The following STK31 variants were observed in gnomAD, a reference collection of about 807,000 sequenced individuals.
STK31 encodes the protein serine/threonine-protein kinase 31.
In STK31, 89 loss-of-function variants were observed where a neutral mutation model predicts 129.7. The ratio of observed to expected loss-of-function variants is 0.69; its 90% CI spans 0.58 to 0.82. The LOEUF (loss-of-function observed/expected upper bound fraction) is 0.82. Ranked by LOEUF, STK31 falls within the 40% of genes least tolerant of loss-of-function variation. The pLI, the probability that STK31 is intolerant of heterozygous loss-of-function variation, is 0.00. For missense variants in STK31, 1,187 were observed against 1,176.4 expected (o/e 1.01, Z -0.13); for synonymous variants, 448 against 395.3 (o/e 1.13, Z -1.58).
chr7:23,721,758 T>A, intron 4 of STK31: 1 of 708,070 alleles, frequency 1.4e-6, no homozygotes, highest in Non-Finnish European at 2.6e-6. Flanking sequence ...ATATTTTTCC[T>A]TTCCCAAGTG....
chr7:23,790,115 T>C (rs897095680), intron 21 of STK31, among the ~76,000 whole-genome samples: 1 of 152,182 alleles, frequency 6.6e-6, no homozygotes. Flanking sequence ...CCTTGGACCA[T>C]ACTTTGAGAA....
chr7:23,782,807 A>C (rs763163627), intron 16 of STK31, among the ~76,000 whole-genome samples: 9 of 152,214 alleles, frequency 5.9e-5, no homozygotes, highest in Non-Finnish European at 1.3e-4. Context: ...TGTGTTCTTA[A>C]TATTTTGAGA....
intron 10 of STK31, among the ~76,000 whole-genome samples, chr7:23,762,360 A>G (rs1043378251): frequency 2.6e-5 from 4 of 152,016 alleles, no homozygotes; most frequent in African/African-American, 9.7e-5. Context: ...AAGAAAATGC[A>G]TAGAGTTCTT....
At chr7:23,746,682 T>C (rs1375372448) in intron 8 of STK31, among the ~76,000 whole-genome samples, 1 of 152,066 alleles carries the variant, frequency 6.6e-6, no homozygotes, top group Non-Finnish European at 1.5e-5. Context: ...GAAGAAGAAA[T>C]GTATTTACGT....
rs201434257 is a variant in STK31 at position 23,832,289 on chromosome 7, G to C, written c.2983G>C (p.Glu995Gln). The C allele has an allele frequency of 6.2e-7, 1 of 1,613,986 alleles. No homozygotes were observed. The highest frequency in any genetic ancestry group is 8.5e-7 in the Non-Finnish European group (1 of 1,179,966). Residue 995 changes from glutamate to glutamine, a missense_variant, in exon 24 of 24, where the codon GAA becomes CAA. Glu to Gln is a conservative substitution (Grantham distance 29). Transcript: ENST00000355870. ...KDTEYTLYKKEEEIKTENLDK... is the reference protein window; with the variant it reads ...KDTEYTLYKKQEEIKTENLDK... ...TACTGAATACACCCTATATAAAAAGGAAGAAGAAATAAAGACGGAGAACTT... is the reference window on the plus strand; with the variant it reads ...TACTGAATACACCCTATATAAAAAGCAAGAAGAAATAAAGACGGAGAACTT...
chr7:23,804,690 G>A (rs1358689497), intron 22 of STK31, among the ~76,000 whole-genome samples: 1 of 152,100 alleles, frequency 6.6e-6, no homozygotes, highest in African/African-American at 2.4e-5. Flanking sequence ...TCTTAATAAC[G>A]TGAGACCCAA....
At chr7:23,742,005 C>T (rs1291101043) in intron 8 of STK31, among the ~76,000 whole-genome samples, 3 of 152,198 alleles carry the variant, frequency 2.0e-5, no homozygotes, top group Non-Finnish European at 4.4e-5. Flanking sequence ...ACAGCATGGG[C>T]AAAAAGCTGT....
chr7:23,750,922 ATACAT>A, intron 8 of STK31, among the ~76,000 whole-genome samples: 1 of 152,312 alleles, frequency 6.6e-6, no homozygotes, highest in Non-Finnish European at 1.5e-5. Context: ...GAAATATACA[ATACAT>A]CATTAACTGT....
chr7:23,731,900 GAAT>G (rs1787454494), intron 6 of STK31, among the ~76,000 whole-genome samples: 1 of 152,198 alleles, frequency 6.6e-6, no homozygotes, highest in Non-Finnish European at 1.5e-5. Context: ...TCTTGTTTCT[GAAT>G]GAAGCTTACC....
intron 22 of STK31, among the ~76,000 whole-genome samples, chr7:23,802,122 T>C (rs993028273): frequency 6.6e-6 from 1 of 152,190 alleles, no homozygotes. Context: ...CGTAAGTTTA[T>C]TGAACCTGAG....
At chr7:23,725,260 C>T (rs561585509) in intron 4 of STK31, among the ~76,000 whole-genome samples, 1 of 148,498 alleles carries the variant, frequency 6.7e-6, no homozygotes, top group East Asian at 2.0e-4. Context: ...TAAGGCCAGG[C>T]ATGGGGGCTC....
intron 8 of STK31, among the ~76,000 whole-genome samples, chr7:23,746,930 A>G (rs774702369): frequency 2.6e-5 from 4 of 151,994 alleles, no homozygotes; most frequent in Non-Finnish European, 5.9e-5. Flanking sequence ...TTTTTTTCTC[A>G]ATAAGTTATA....
At chr7:23,786,724 C>CAGCA in intron 19 of STK31, 91 bp downstream of exon 19, 1 of 1,546,384 alleles carries the variant, frequency 6.5e-7, no homozygotes, top group Non-Finnish European at 8.8e-7. Flanking sequence ...GGTTTTAGAG[C>CAGCA]AGCAGTTCAT....
intron 15 of STK31, among the ~76,000 whole-genome samples, chr7:23,777,273 G>A (rs1375824332): frequency 2.0e-5 from 3 of 152,216 alleles, no homozygotes; most frequent in African/African-American, 7.2e-5. Context: ...TAAGTGTGAT[G>A]TGGTGCTGAA....
Position 23,729,225 on chromosome 7 carries a change from T to C in STK31, c.459T>C (p.Asp153=), listed in dbSNP as rs775508779. ...YKLWGLHIPS[D]QEVTQFDQGT... ...TTTGGGGACTACACATTCCTTCTGATCAAGAAGTTACCCAGTTTGATCAGG... is the reference window on the plus strand; with the variant it reads ...TTTGGGGACTACACATTCCTTCTGACCAAGAAGTTACCCAGTTTGATCAGG... The change falls in exon 6 of 24, where the codon GAT becomes GAC. Residue 153 remains aspartate (D), a synonymous_variant. Coordinates refer to ENST00000355870, the MANE Select transcript of STK31 (RefSeq NM_031414.5). The C allele has an allele frequency of 6.2e-7, 1 of 1,604,486 alleles. No individual in the cohort carries two copies. Among genetic ancestry groups the C allele is most frequent in the Non-Finnish European group, 8.5e-7 (1 of 1,177,594 alleles).
chr7:23,721,557 TGGG>T, intron 4 of STK31: 9 of 931,748 alleles, frequency 9.7e-6, no homozygotes, highest in Admixed American at 5.3e-5. Context: ...TTTTTCCTTT[TGGG>T]TGGAGCCCTT....
chr7:23,711,173 T>C (rs1460463977), intron 1 of STK31, among the ~76,000 whole-genome samples: 1 of 152,194 alleles, frequency 6.6e-6, no homozygotes, highest in Non-Finnish European at 1.5e-5. Flanking sequence ...TTGCGGTGGC[T>C]TAGGCCTGTA....
chr7:23,798,576 A>C (rs555471631), intron 22 of STK31, among the ~76,000 whole-genome samples: 18 of 152,236 alleles, frequency 1.2e-4, no homozygotes, highest in Admixed American at 5.2e-4. Flanking sequence ...ACTCTCAATA[A>C]ACTAGGTATT....
At chr7:23,781,585 G>C in intron 16 of STK31, 65 bp downstream of exon 16, 1 of 1,126,656 alleles carries the variant, frequency 8.9e-7, no homozygotes, top group East Asian at 2.4e-5. Context: ...TTAAATACCC[G>C]TTTTATGAAG....
Sources: allele counts gnomAD v4.1 joint callset (sites outside exome capture counted in the v4.1 genomes callset), GRCh38; gene constraint gnomAD v4.1.1; transcripts MANE v1.5; gene names NCBI Gene and HGNC (gene_info 2026-07-23, HGNC 2026-07-21).